TENM3: variants seen among roughly 807,000 people sequenced by gnomAD.
TENM3 encodes the protein teneurin transmembrane protein 3, also known as teneurin-3.
TENM3 carries 63 observed loss-of-function variants against 255.1 expected under a neutral mutation model. The observed-to-expected ratio is 0.25, with a 90% CI of 0.20 to 0.30. The LOEUF (loss-of-function observed/expected upper bound fraction) is 0.30. Ranked by LOEUF, TENM3 falls within the 10% of genes least tolerant of loss-of-function variation. The pLI is 1.00. For synonymous variants in TENM3, 1,306 were observed against 1,322.3 expected, an observed-to-expected ratio of 0.99 and a Z score of 0.27; for missense variants, 2,929 against 3,461.1, an observed-to-expected ratio of 0.85 and a Z score of 3.86.
the TENM3 span, among the ~76,000 whole-genome samples, chr4:181,495,916 A>AAAAAAAAAAAAAC: frequency 6.6e-6 from 1 of 151,174 alleles, no homozygotes; most frequent in Admixed American, 6.6e-5. Context: ...AAAAAAAAAA[A>AAAAAAAAAAAAAC]AAAAAAGAAA....
At chr4:181,867,143 C>G in the TENM3 span, among the ~76,000 whole-genome samples, 1 of 152,102 alleles carries the variant, frequency 6.6e-6, no homozygotes, top group Non-Finnish European at 1.5e-5. Context: ...CTAATTTCAC[C>G]GTGGAATTTC....
intron 13 of TENM3, among the ~76,000 whole-genome samples, chr4:182,717,279 C>G (rs1322850835): frequency 2.0e-5 from 3 of 152,128 alleles, no homozygotes; most frequent in African/African-American, 7.2e-5. Context: ...CCCTTTATCT[C>G]TAAAAAGCTG....
chr4:182,210,615 C>G (rs546045680), intron 1 of TENM3, among the ~76,000 whole-genome samples: 1,881 of 120,428 alleles, frequency 0.016, 46 homozygotes, highest in African/African-American at 0.052. Context: ...TTCCCCCTCT[C>G]TAGTTTTTTT....
upstream of TENM3, chr4:182,144,073 G>A (rs147209918): frequency 6.6e-6 from 1 of 152,670 alleles, no homozygotes; most frequent in African/African-American, 2.4e-5. Context: ...TGGCGGAGCG[G>A]AGGAGTCAAG....
the TENM3 span, among the ~76,000 whole-genome samples, chr4:181,615,893 TAAAG>T: frequency 9.9e-4 from 151 of 152,304 alleles, 1 homozygote; most frequent in Non-Finnish European, 1.9e-3. Context: ...ATTATCCACA[TAAAG>T]AAAGAAGTTT....
chr4:182,005,606 A>C, the TENM3 span, among the ~76,000 whole-genome samples: 1 of 152,216 alleles, frequency 6.6e-6, no homozygotes, highest in African/African-American at 2.4e-5. Flanking sequence ...TTCTGTGAAG[A>C]ATGTCAATGG....
Position 182,680,672 on chromosome 4 carries a change from G to A in TENM3, c.1769G>A (p.Arg590His), listed in dbSNP as rs374881053. ...TGTATTGACCCACAGTGTGGGGGTCGTGGGATTTGTATCATGGGCTCTTGT... is the reference window on the plus strand; with the variant it reads ...TGTATTGACCCACAGTGTGGGGGTCATGGGATTTGTATCATGGGCTCTTGT... ...TQCIDPQCGG[R>H]GICIMGSCAC... The change falls in exon 10 of 28, where the codon CGT becomes CAT. Residue 590 changes from arginine (R) to histidine (H), a missense_variant. By Grantham distance (29) the Arg-to-His change is conservative. Coordinates refer to ENST00000511685, the MANE Select transcript of TENM3 (RefSeq NM_001080477.4). The A allele has an allele frequency of 1.7e-5, 28 of 1,606,100 alleles. No individual in the cohort carries two copies. Among genetic ancestry groups the A allele is most frequent in the African/African-American group, 1.5e-4 (11 of 74,384 alleles).
At chr4:181,572,992 A>G in the TENM3 span, among the ~76,000 whole-genome samples, 1 of 152,086 alleles carries the variant, frequency 6.6e-6, no homozygotes, top group African/African-American at 2.4e-5. Flanking sequence ...GAACATGTGA[A>G]GTTTGTCTTC....
the TENM3 span, among the ~76,000 whole-genome samples, chr4:181,812,975 G>A: frequency 1.3e-5 from 2 of 152,164 alleles, no homozygotes; most frequent in Admixed American, 6.6e-5. Context: ...GAAGAGAATG[G>A]TCTACCTTCC....
the TENM3 span, among the ~76,000 whole-genome samples, chr4:181,700,805 G>A: frequency 1.3e-5 from 2 of 152,168 alleles, no homozygotes; most frequent in Non-Finnish European, 2.9e-5. Context: ...AGGACTTCCC[G>A]TCACTGAAAC....
the TENM3 span, among the ~76,000 whole-genome samples, chr4:181,863,542 A>T: frequency 6.6e-6 from 1 of 152,252 alleles, no homozygotes; most frequent in Non-Finnish European, 1.5e-5. Flanking sequence ...AGAAGGCAAA[A>T]TTGAAAGAAA....
intron 3 of TENM3, among the ~76,000 whole-genome samples, chr4:182,488,010 C>T (rs1397642010): frequency 3.3e-5 from 5 of 152,116 alleles, no homozygotes; most frequent in African/African-American, 4.8e-5. Context: ...TAGAGATAAA[C>T]ATTTATACAG....
the TENM3 span, among the ~76,000 whole-genome samples, chr4:181,673,959 C>T: frequency 6.6e-6 from 1 of 151,918 alleles, no homozygotes; most frequent in African/African-American, 2.4e-5. Context: ...AAAGCAACCA[C>T]AGCAGGAGTA....
chr4:182,287,776 T>G (rs1471868651), intron 1 of TENM3, among the ~76,000 whole-genome samples: 3 of 141,306 alleles, frequency 2.1e-5, no homozygotes, highest in East Asian at 2.2e-4. Flanking sequence ...ACCACACCCG[T>G]CTAATTTTGT....
At chr4:182,788,837 G>T (rs1216898033) in intron 24 of TENM3, among the ~76,000 whole-genome samples, 1 of 152,056 alleles carries the variant, frequency 6.6e-6, no homozygotes, top group Non-Finnish European at 1.5e-5. Flanking sequence ...ATACATTTTG[G>T]TATTTTTCTT....
the TENM3 span, among the ~76,000 whole-genome samples, chr4:181,510,693 A>C: frequency 6.6e-6 from 1 of 152,240 alleles, no homozygotes; most frequent in Admixed American, 6.5e-5. Flanking sequence ...AAAGAGAAAG[A>C]AGCATCTGAA....
intron 1 of TENM3, chr4:182,190,282 T>G (rs1221832885): frequency 6.6e-6 from 1 of 152,212 alleles, no homozygotes; most frequent in Non-Finnish European, 1.5e-5. Context: ...TTCTTAAGGA[T>G]TTCTGGTGTG....
At chr4:182,781,839 T>C (rs376808003) in intron 24 of TENM3, among the ~76,000 whole-genome samples, 11,211 of 147,184 alleles carry the variant, frequency 0.076, 543 homozygotes, top group Non-Finnish European at 0.11. Flanking sequence ...AGTTTATTTG[T>C]GTAGAGGTGT....
chr4:181,843,611 G>A, the TENM3 span, among the ~76,000 whole-genome samples: 4 of 151,768 alleles, frequency 2.6e-5, no homozygotes, highest in Admixed American at 1.3e-4. Context: ...TGCTATCATA[G>A]AACACCGGAG....
Sources: gnomAD v4.1 joint callset for allele counts (sites outside exome capture counted in the v4.1 genomes callset) on GRCh38, gnomAD v4.1.1 for gene constraint, MANE v1.5 for transcripts, NCBI Gene and HGNC (gene_info 2026-07-23, HGNC 2026-07-21) for gene names.